Variants in PRORP observed in about 807,000 individuals in gnomAD.
PRORP encodes the protein protein only RNase P catalytic subunit.
PRORP carries 51 observed loss-of-function variants against 59.4 expected under a neutral mutation model. The observed-to-expected ratio is 0.86, with a 90% CI of 0.69 to 1.08. The LOEUF (loss-of-function observed/expected upper bound fraction) is 1.08, where lower values mean the gene tolerates loss of function less well. Ranked by LOEUF, PRORP falls within the 50% of genes least tolerant of loss-of-function variation. The pLI, the probability that PRORP is intolerant of heterozygous loss-of-function variation, is 0.00. For missense variants in PRORP, 646 were observed against 690.3 expected, an observed-to-expected ratio of 0.94 and a Z score of 0.72; for synonymous variants, 231 against 245.6, an observed-to-expected ratio of 0.94 and a Z score of 0.55.
At chr14:35,249,737 T>C (rs918101227) in intron 5 of PRORP, among the ~76,000 whole-genome samples, 2 of 152,222 alleles carry the variant, frequency 1.3e-5, no homozygotes, top group African/African-American at 4.8e-5. Context: ...TTACCTGTGG[T>C]TATTTTAAGG....
Position 35,262,849 on chromosome 14 carries a change from G to GT in PRORP, c.1276-3877dup. On this transcript the variant is annotated intron_variant, in intron 5 of 7. Transcript: ENST00000534898. ...ATCCTCAGGGTTCGGATGAGAACAG[G>GT]TGTTGCTTGTTCAGTATCTCAAGCC... 4 of 1,517,552 alleles carry GT rather than the reference G, an allele frequency of 2.6e-6. No homozygotes were observed. In the South Asian group the frequency reaches 4.5e-5, roughly 17 times the overall value. 94.0% of individuals were successfully genotyped at this position (1,517,552 alleles called of 1,614,324 possible). A position where few individuals can be genotyped will look rare whatever the true frequency, so the allele number is the denominator to read the frequency against.
chr14:35,261,509 T>C lies in PRORP; in HGVS notation c.1276-5218T>C, dbSNP rs186120628. On this transcript the variant is annotated intron_variant, in intron 5 of 7. Coordinates refer to ENST00000534898, the MANE Select transcript of PRORP (RefSeq NM_014672.4). ...ACTTTGGGAGGCCAAGGCGGGCAGA[T>C]CACGAGGTCAGGAGTTTGAGACCAG... 3.8e-3 allele frequency among the ~76,000 whole-genome samples: 586 copies of C among 152,236 alleles called. 5 individuals carry two copies. The highest frequency in any genetic ancestry group is 0.014 in the African/African-American group (567 of 41,538).
intron 5 of PRORP, among the ~76,000 whole-genome samples, chr14:35,248,946 TC>T (rs1360751453): frequency 1.3e-5 from 2 of 152,314 alleles, no homozygotes; most frequent in East Asian, 3.9e-4. Flanking sequence ...CCTGTTTTTT[TC>T]CACTGTACAT....
intron 4 of PRORP, among the ~76,000 whole-genome samples, chr14:35,129,080 C>T (rs887955248): frequency 2.9e-4 from 44 of 151,594 alleles, no homozygotes; most frequent in Non-Finnish European, 5.7e-4. Flanking sequence ...TGGCGGCGCA[C>T]GCTGGTAATC....
intron 4 of PRORP, among the ~76,000 whole-genome samples, chr14:35,129,537 C>T (rs542077622): frequency 4.6e-4 from 69 of 149,986 alleles, no homozygotes; most frequent in African/African-American, 1.5e-3. Context: ...TGCCGTGGTG[C>T]GATCTTGGCT....
rs1243820659 is a variant in PRORP at position 35,209,948 on chromosome 14, A to G, written c.1275+29171A>G. Among the ~76,000 whole-genome samples the G allele has an allele frequency of 3.9e-5, 6 of 152,304 alleles. No individual in the cohort carries two copies. The East Asian group carries it at 1.2e-3, about 29-fold the overall frequency. Reference sequence around the variant, plus strand: ...CTCTAGTTTCATACCCCACTAATATATCTTCTCTGATTTTCACTAGAGCAC... The same window carrying G: ...CTCTAGTTTCATACCCCACTAATATGTCTTCTCTGATTTTCACTAGAGCAC... On this transcript the variant is annotated intron_variant, in intron 5 of 7. Coordinates refer to ENST00000534898, the MANE Select transcript of PRORP (RefSeq NM_014672.4).
chr14:35,216,930 G>A (rs529726305), intron 5 of PRORP, among the ~76,000 whole-genome samples: 1 of 152,246 alleles, frequency 6.6e-6, no homozygotes, highest in Non-Finnish European at 1.5e-5. Context: ...ATGCTTATTA[G>A]CCATTTGTGT....
chr14:35,183,441 T>G (rs1168083469), intron 5 of PRORP, among the ~76,000 whole-genome samples: 1 of 152,134 alleles, frequency 6.6e-6, no homozygotes, highest in Non-Finnish European at 1.5e-5. Context: ...TTAAAATAAT[T>G]TTGTAATACT....
intron 4 of PRORP, among the ~76,000 whole-genome samples, chr14:35,139,491 A>C (rs899728076): frequency 4.8e-5 from 7 of 144,496 alleles, no homozygotes; most frequent in Non-Finnish European, 6.1e-5. Flanking sequence ...TACAATATAT[A>C]CTTTTTTTTT....
chr14:35,214,644 C>T (rs577870545), intron 5 of PRORP, among the ~76,000 whole-genome samples: 1 of 152,284 alleles, frequency 6.6e-6, no homozygotes, highest in African/African-American at 2.4e-5. Context: ...TGGTGGCTCA[C>T]GCCTATAATC....
chr14:35,161,795 C>T (rs907730099), intron 4 of PRORP, among the ~76,000 whole-genome samples: 1 of 152,010 alleles, frequency 6.6e-6, no homozygotes. Flanking sequence ...ATCTATTTCT[C>T]CAAAGATCAG....
upstream of PRORP, chr14:35,122,037 G>A (rs1461775172): frequency 3.9e-6 from 6 of 1,521,124 alleles, no homozygotes; most frequent in Non-Finnish European, 5.5e-6. Flanking sequence ...CGTCAGCACC[G>A]CCAGGCCCCG....
rs1166503602 is a variant in PRORP at position 35,275,388 on chromosome 14, T to A, written c.*1822T>A. 2 of 152,202 alleles carry A rather than the reference T, an allele frequency of 1.3e-5. No individual in the cohort carries two copies. Among genetic ancestry groups the A allele is most frequent in the Non-Finnish European group, 2.9e-5 (2 of 68,040 alleles). 9.4% of individuals were successfully genotyped at this position (152,202 alleles called of 1,614,324 possible). A position where few individuals can be genotyped will look rare whatever the true frequency, so the allele number is the denominator to read the frequency against. ...ACGTTTTATCTTCTTACCTATTTAC[T>A]GAATGCAACATTACTGCACACCAAG... On this transcript the variant is annotated 3_prime_UTR_variant, in exon 8 of 8. Transcript: ENST00000534898.
intron 5 of PRORP, among the ~76,000 whole-genome samples, chr14:35,248,056 G>C (rs542209606): frequency 6.6e-6 from 1 of 152,256 alleles, no homozygotes; most frequent in South Asian, 2.1e-4. Flanking sequence ...TCCCAAAGCA[G>C]GAAGGGATTT....
chr14:35,230,619 A>G (rs1357725486), intron 5 of PRORP, among the ~76,000 whole-genome samples: 1 of 152,172 alleles, frequency 6.6e-6, no homozygotes, highest in African/African-American at 2.4e-5. Context: ...GAAAGGACAT[A>G]GTCCGTACTC....
chr14:35,191,038 C>T (rs925406295), intron 5 of PRORP, among the ~76,000 whole-genome samples: 7 of 152,212 alleles, frequency 4.6e-5, no homozygotes, highest in South Asian at 2.1e-4. Context: ...TGGACTCTTA[C>T]AAATACTTCT....
At chr14:35,180,526 C>CTGTATG (rs1555325943) in intron 4 of PRORP, 144 bp from the exon 5 acceptor site, 2 of 485,656 alleles carry the variant, frequency 4.1e-6, no homozygotes, top group African/African-American at 4.0e-5. Context: ...TGTAGAGTAT[C>CTGTATG]TGTGTGTGTG....
Position 35,152,125 on chromosome 14 carries a change from G to C in PRORP, c.1167+24514G>C, listed in dbSNP as rs539645765. Among the ~76,000 whole-genome samples the C allele has an allele frequency of 2.8e-3, 432 of 152,112 alleles. 2 individuals are homozygous for C. The highest frequency in any genetic ancestry group is 0.01 in the African/African-American group (424 of 41,504). Reference sequence around the variant, plus strand: ...CCTGGGTACTTGAGATTAGGGAGTGGTGATGACTCTCAACGAGCATGCTGC... The same window carrying C: ...CCTGGGTACTTGAGATTAGGGAGTGCTGATGACTCTCAACGAGCATGCTGC... On this transcript the variant is annotated intron_variant, in intron 4 of 7. Transcript: ENST00000534898.
chr14:35,126,265 A>T (rs1038110119), intron 2 of PRORP, among the ~76,000 whole-genome samples: 1 of 152,230 alleles, frequency 6.6e-6, no homozygotes, highest in African/African-American at 2.4e-5. Flanking sequence ...ATACATCAAT[A>T]CATAGTTTTT....
Sources: allele counts gnomAD v4.1 joint callset (sites outside exome capture counted in the v4.1 genomes callset), GRCh38; gene constraint gnomAD v4.1.1; transcripts MANE v1.5; gene names NCBI Gene and HGNC (gene_info 2026-07-23, HGNC 2026-07-21).